Variants in LRRC8C observed in about 807,000 individuals in gnomAD.
LRRC8C encodes leucine rich repeat containing 8 VRAC subunit C, also known as volume-regulated anion channel subunit LRRC8C.
LRRC8C carries 20 observed loss-of-function variants against 55.3 expected under a neutral mutation model. The ratio of observed to expected loss-of-function variants is 0.36; its 90% CI spans 0.25 to 0.53. LRRC8C has a LOEUF of 0.53. Among genes scored for constraint, LRRC8C ranks in the 20% least tolerant of loss-of-function variants. The probability of loss-of-function intolerance (pLI) is 0.92; values close to 1 mark genes in which losing one functional copy is unlikely to be tolerated. For synonymous variants in LRRC8C, 376 were observed against 360.7 expected (o/e 1.04, Z -0.48); for missense variants, 659 against 951.4 (o/e 0.69, Z 4.04).
chr1:89,691,769 T>A (rs898906118), intron 2 of LRRC8C, among the ~76,000 whole-genome samples: 2 of 152,166 alleles, frequency 1.3e-5, no homozygotes, highest in African/African-American at 4.8e-5. Context: ...TCAAATATTA[T>A]GGAACCATCA....
At chr1:89,622,208 T>C in the LRRC8C span, among the ~76,000 whole-genome samples, 1 of 152,284 alleles carries the variant, frequency 6.6e-6, no homozygotes, top group Admixed American at 6.5e-5. Flanking sequence ...TGCCACTTAC[T>C]AGCAGCATGA....
chr1:89,699,224 C>A (rs1414048506), intron 2 of LRRC8C, among the ~76,000 whole-genome samples: 1 of 152,030 alleles, frequency 6.6e-6, no homozygotes, highest in Non-Finnish European at 1.5e-5. Context: ...TTAGAAAGGA[C>A]AAAGGAGGGG....
intron 1 of LRRC8C, among the ~76,000 whole-genome samples, chr1:89,644,450 C>T (rs953211368): frequency 5.3e-5 from 8 of 152,260 alleles, no homozygotes; most frequent in Non-Finnish European, 1.2e-4. Flanking sequence ...AGTGCCCAGA[C>T]GAAACCCCAC....
At chr1:89,637,971 A>T (rs1414703065) in intron 1 of LRRC8C, among the ~76,000 whole-genome samples, 1 of 152,186 alleles carries the variant, frequency 6.6e-6, no homozygotes. Context: ...ATGTTAATTG[A>T]TGGAGACAAG....
chr1:89,701,420 G>A (rs1658319274), intron 2 of LRRC8C, among the ~76,000 whole-genome samples: 1 of 150,680 alleles, frequency 6.6e-6, no homozygotes, highest in Non-Finnish European at 1.5e-5. Context: ...AACTTGCAGT[G>A]AGCCAAGATC....
chr1:89,657,924 C>T lies in LRRC8C; in HGVS notation c.-5+24602C>T, dbSNP rs1570700711. Among the ~76,000 whole-genome samples the T allele has an allele frequency of 2.0e-5, 3 of 152,132 alleles. 1 individual carries two copies. Among genetic ancestry groups the T allele is most frequent in the Admixed American group, 2.0e-4 (3 of 15,286 alleles). ...GATAAGACGTGTCATTAATGTTAAG[C>T]AGCAGATTTACTTCCAGAGGATCTC... On this transcript the variant is annotated intron_variant, in intron 1 of 2. Coordinates refer to ENST00000370454, the MANE Select transcript of LRRC8C (RefSeq NM_032270.5).
At chr1:89,672,547 C>G (rs554342909) in intron 1 of LRRC8C, among the ~76,000 whole-genome samples, 85 of 152,296 alleles carry the variant, frequency 5.6e-4, no homozygotes, top group Admixed American at 4.1e-3. Flanking sequence ...GACACCGCAT[C>G]TGTCCTTTGG....
chr1:89,638,951 AT>A (rs992260598), intron 1 of LRRC8C, among the ~76,000 whole-genome samples: 2 of 89,066 alleles, frequency 2.2e-5, no homozygotes, highest in African/African-American at 8.6e-5. Flanking sequence ...TTAAACTATA[AT>A]TTTTTATTTT....
intron 1 of LRRC8C, among the ~76,000 whole-genome samples, chr1:89,654,306 A>G (rs766825230): frequency 1.3e-5 from 2 of 152,212 alleles, no homozygotes; most frequent in Non-Finnish European, 2.9e-5. Flanking sequence ...AAATTGCTTA[A>G]TAAGTACAAT....
At chr1:89,619,479 A>T in the LRRC8C span, among the ~76,000 whole-genome samples, 1 of 149,852 alleles carries the variant, frequency 6.7e-6, no homozygotes, top group South Asian at 2.1e-4. Flanking sequence ...CTTTTTATAT[A>T]ATAAATACAT....
chr1:89,666,389 A>G (rs529742469), intron 1 of LRRC8C, among the ~76,000 whole-genome samples: 6 of 144,644 alleles, frequency 4.1e-5, no homozygotes, highest in Admixed American at 1.4e-4. Flanking sequence ...CCTTGTGCAC[A>G]TGTACACTAG....
chr1:89,644,397 C>T (rs7546518), intron 1 of LRRC8C, among the ~76,000 whole-genome samples: 93,687 of 152,104 alleles, frequency 0.62, 29,749 homozygotes, highest in East Asian at 0.79. Flanking sequence ...ACTTGCTGCC[C>T]GCTGTGGCCT....
In LRRC8C at chr1:89,669,498, G is replaced by A. The variant is rs1241724791; in HGVS notation, c.-4-16972G>A. Among the ~76,000 whole-genome samples, 3 of 152,190 alleles carry A rather than the reference G, an allele frequency of 2.0e-5. No homozygotes were observed. In the East Asian group the frequency reaches 5.8e-4, roughly 29 times the overall value. On this transcript the variant is annotated intron_variant, in intron 1 of 2. Transcript: ENST00000370454. Reference sequence around the variant, plus strand: ...ATTATCATAGCTATCAAATTTGATTGTCATCTCTATTGCTAATATTAGTAG... The same window carrying A: ...ATTATCATAGCTATCAAATTTGATTATCATCTCTATTGCTAATATTAGTAG...
chr1:89,712,776 C>G lies in LRRC8C; in HGVS notation c.206C>G (p.Ser69Trp), dbSNP rs148090493. ...VQPAQNHSSL[S>W]NVSQAVASTT... Reference sequence around the variant, plus strand: ...CCTGCTCAGAACCACTCTTCCCTTTCGAATGTCTCTCAAGCAGTTGCCAGT... The same window carrying G: ...CCTGCTCAGAACCACTCTTCCCTTTGGAATGTCTCTCAAGCAGTTGCCAGT... The change falls in exon 3 of 3, where the codon TCG becomes TGG. Residue 69 changes from serine (S) to tryptophan (W), a missense_variant. Ser to Trp is a radical substitution (Grantham distance 177). Transcript: ENST00000370454. 1.2e-6 allele frequency: 2 copies of G among 1,614,068 alleles called. No homozygotes were observed. Among genetic ancestry groups the G allele is most frequent in the East Asian group, 2.2e-5 (1 of 44,898 alleles).
intron 1 of LRRC8C, among the ~76,000 whole-genome samples, chr1:89,641,293 A>G (rs906367116): frequency 2.0e-5 from 3 of 152,322 alleles, no homozygotes; most frequent in East Asian, 1.9e-4. Flanking sequence ...TCAAAAATTC[A>G]TTCTTAGGGA....
In LRRC8C at chr1:89,715,543, A is replaced by T. The variant is rs1658794238; in HGVS notation, c.*561A>T. On this transcript the variant is annotated 3_prime_UTR_variant, in exon 3 of 3. Coordinates refer to ENST00000370454, the MANE Select transcript of LRRC8C (RefSeq NM_032270.5). ...AACCCTAAACTGTGTTATTTCATATACCTGACAGTTATTGTTATCCTTAGG... is the reference window on the plus strand; with the variant it reads ...AACCCTAAACTGTGTTATTTCATATTCCTGACAGTTATTGTTATCCTTAGG... The T allele has an allele frequency of 2.0e-5, 3 of 152,328 alleles. No individual in the cohort carries two copies. In the South Asian group the frequency reaches 6.2e-4, roughly 32 times the overall value. The allele number at this position is 152,328 out of a possible 1,614,324, so 9.4% of individuals were successfully genotyped here.
intron 1 of LRRC8C, among the ~76,000 whole-genome samples, chr1:89,676,865 A>G (rs1657562587): frequency 6.6e-6 from 1 of 152,218 alleles, no homozygotes; most frequent in Non-Finnish European, 1.5e-5. Context: ...GGATTCTCTC[A>G]GCACCTAGCA....
In LRRC8C at chr1:89,674,226, G is replaced by A. The variant is rs144015469; in HGVS notation, c.-4-12244G>A. On this transcript the variant is annotated intron_variant, in intron 1 of 2. Transcript: ENST00000370454. The stretch of plus-strand genomic sequence containing the variant: ...TTCATATTTTCCGAGAATATTTTTC[G>A]TATAGATGTTCGGCACAATGTAGAT... 1.3e-3 allele frequency among the ~76,000 whole-genome samples: 194 copies of A among 152,100 alleles called. No homozygotes were observed. The Middle Eastern group carries it at 0.02, about 16-fold the overall frequency.
chr1:89,702,958 A>G (rs925752966), intron 2 of LRRC8C, among the ~76,000 whole-genome samples: 1 of 152,254 alleles, frequency 6.6e-6, no homozygotes, highest in Non-Finnish European at 1.5e-5. Flanking sequence ...AAAGACAGGA[A>G]TCAAAACACA....
Sources: gnomAD v4.1 joint callset for allele counts (sites outside exome capture counted in the v4.1 genomes callset) on GRCh38, gnomAD v4.1.1 for gene constraint, MANE v1.5 for transcripts, NCBI Gene and HGNC (gene_info 2026-07-23, HGNC 2026-07-21) for gene names.